HPRT1: variants seen among roughly 807,000 people sequenced by gnomAD.
The protein encoded by HPRT1 is hypoxanthine phosphoribosyltransferase 1, also known as hypoxanthine-guanine phosphoribosyltransferase.
A neutral mutation model predicts 19.0 loss-of-function variants in HPRT1; 4 were observed. That is an observed-to-expected ratio of 0.21 (90% CI 0.10 to 0.48). The LOEUF is 0.48. Among genes scored for constraint, HPRT1 ranks in the 20% least tolerant of loss-of-function variants. The pLI, the probability that HPRT1 is intolerant of heterozygous loss-of-function variation, is 0.98. For synonymous variants in HPRT1, 53 were observed against 54.9 expected (o/e 0.97, Z 0.15); for missense variants, 65 against 164.0 (o/e 0.40, Z 3.30).
intron 1 of HPRT1, among the ~76,000 whole-genome samples, chrX:134,463,928 A>G (rs1376600597): frequency 8.9e-6 from 1 of 112,081 alleles, no homozygotes; most frequent in African/African-American, 3.2e-5. Context: ...TACTAAGATA[A>G]TCTACTAGTT....
chrX:134,487,658 G>A (rs188263350), intron 4 of HPRT1, among the ~76,000 whole-genome samples: 85 of 112,042 alleles, frequency 7.6e-4, no homozygotes, highest in African/African-American at 2.6e-3. Context: ...ACTTGAATGA[G>A]TATCTATAAG....
chrX:134,477,592 C>CTTGAGGCCAGGGGT lies in HPRT1; in HGVS notation c.318+2230_318+2243dup, dbSNP rs1473955912. Among the ~76,000 whole-genome samples the CTTGAGGCCAGGGGT allele has an allele frequency of 4.5e-5, 5 of 111,188 alleles. No individual in the cohort carries two copies. In the East Asian group the frequency reaches 1.4e-3, roughly 32 times the overall value. ...TTGGAAGGCCAAGACAGCAGAATCACTTGAGGCCAGGGGTTCGAGACCAGC... is the reference window on the plus strand; with the variant it reads ...TTGGAAGGCCAAGACAGCAGAATCACTTGAGGCCAGGGGTTTGAGGCCAGGGGTTCGAGACCAGC... On this transcript the variant is annotated intron_variant, in intron 3 of 8. Coordinates refer to ENST00000298556, the MANE Select transcript of HPRT1 (RefSeq NM_000194.3).
intron 5 of HPRT1, among the ~76,000 whole-genome samples, chrX:134,491,663 C>T (rs749456496): frequency 7.3e-5 from 8 of 110,241 alleles, no homozygotes; most frequent in South Asian, 3.9e-4. Context: ...CCAGCTCAAA[C>T]GTCACCTCCA....
At chrX:134,483,949 C>A (rs366687) in intron 3 of HPRT1, among the ~76,000 whole-genome samples, 46 of 111,791 alleles carry the variant, frequency 4.1e-4, no homozygotes, top group Admixed American at 1.1e-3. Context: ...GCAGGAGGAT[C>A]GCTTGAGTCC....
intron 2 of HPRT1, among the ~76,000 whole-genome samples, 193 bp downstream of exon 2, chrX:134,473,658 G>C (rs2077616293): frequency 8.9e-6 from 1 of 111,893 alleles, no homozygotes; most frequent in Non-Finnish European, 1.9e-5. Context: ...TTGTGGTATA[G>C]TGGGACTCTG....
chrX:134,489,265 GTAATAA>G (rs2077660883), intron 4 of HPRT1, among the ~76,000 whole-genome samples: 1 of 111,340 alleles, frequency 9.0e-6, no homozygotes, highest in Non-Finnish European at 1.9e-5. Flanking sequence ...ATGATTTATG[GTAATAA>G]TAATATATAT....
At chrX:134,499,658 A>T (rs2077690269) in intron 8 of HPRT1, among the ~76,000 whole-genome samples, 2 of 109,189 alleles carry the variant, frequency 1.8e-5, no homozygotes, top group South Asian at 8.0e-4. Flanking sequence ...AGAAAAAATT[A>T]GCTGGGGTGG....
chrX:134,465,538 A>G (rs188269220), intron 1 of HPRT1, among the ~76,000 whole-genome samples: 55 of 112,540 alleles, frequency 4.9e-4, no homozygotes, highest in Non-Finnish European at 9.2e-4. Context: ...GTAATCGATT[A>G]TAGCAAAAGT....
intron 1 of HPRT1, chrX:134,460,630 G>A (rs1182941443): frequency 8.4e-5 from 15 of 178,022 alleles, no homozygotes; most frequent in African/African-American, 2.8e-4. Flanking sequence ...CCGCCTGCGA[G>A]CGTGCTGCGG....
intron 1 of HPRT1, among the ~76,000 whole-genome samples, chrX:134,470,194 A>G (rs2077607076): frequency 8.9e-6 from 1 of 112,184 alleles, no homozygotes; most frequent in Admixed American, 9.5e-5. Context: ...CCACCTGGCC[A>G]TGACCAGGGG....
chrX:134,497,697 A>G (rs1261126331), intron 6 of HPRT1, among the ~76,000 whole-genome samples: 4 of 111,359 alleles, frequency 3.6e-5, no homozygotes, highest in African/African-American at 1.3e-4. Context: ...CTGTAATTTC[A>G]GCACTTTGGG....
chrX:134,486,551 GA>G (rs753522885), intron 4 of HPRT1, 21 bp downstream of exon 4: 22 of 989,638 alleles, frequency 2.2e-5, no homozygotes, highest in Admixed American at 6.8e-5. Context: ...TGAAAGGGAA[GA>G]AAAAAAAGCA....
intron 6 of HPRT1, 63 bp from the exon 7 acceptor site, chrX:134,498,327 C>A: frequency 1.1e-6 from 1 of 905,943 alleles, no homozygotes; most frequent in Non-Finnish European, 1.6e-6. Flanking sequence ...AAACGTCAGT[C>A]TTCTCTTTTG....
At position 134,496,743 on chromosome X, in the gene HPRT1, T is replaced by TA. The variant is rs377295385; in HGVS notation, c.486-1641dup. ...CTGCACATTGGAATCACCTGAGAGT[T>TA]AAAAAACCAGGATAACCTCTGCCTG... On this transcript the variant is annotated intron_variant, in intron 6 of 8. Transcript: ENST00000298556. Among the ~76,000 whole-genome samples, 649 of 111,812 alleles carry TA rather than the reference T, an allele frequency of 5.8e-3. 7 individuals carry two copies. The highest frequency in any genetic ancestry group is 0.019 in the African/African-American group (579 of 30,721).
intron 5 of HPRT1, chrX:134,492,485 A>G (rs1569358730): frequency 3.0e-6 from 1 of 330,472 alleles, no homozygotes; most frequent in Non-Finnish European, 5.9e-6. Context: ...CAAGGGACTC[A>G]TGATCCTCTT....
intron 1 of HPRT1, among the ~76,000 whole-genome samples, chrX:134,466,419 A>G (rs1430851580): frequency 9.5e-6 from 1 of 105,789 alleles, no homozygotes; most frequent in Non-Finnish European, 1.9e-5. Context: ...CTCTGTCTCA[A>G]AAAAGAAAAA....
In HPRT1 at chrX:134,492,048, CAT is replaced by C. The variant is rs1391961210; in HGVS notation, c.403-1446_403-1445del. 1.7e-4 allele frequency among the ~76,000 whole-genome samples: 16 copies of C among 92,828 alleles called. 1 individual carries two copies. The highest frequency in any genetic ancestry group is 6.3e-4 in the East Asian group (2 of 3,169). 80.6% of individuals were successfully genotyped at this position (92,828 alleles called of 115,157 possible). A position where few individuals can be genotyped will look rare whatever the true frequency, so the allele number is the denominator to read the frequency against. ...ATATATATATATACACACACACACA[CAT>C]ATATATATATATAGTTTTTTTTTTT... On this transcript the variant is annotated intron_variant, in intron 5 of 8. Transcript: ENST00000298556.
In HPRT1 at chrX:134,465,271, G is replaced by A. The variant is rs891860495; in HGVS notation, c.27+4933G>A. 5.5e-5 allele frequency among the ~76,000 whole-genome samples: 6 copies of A among 108,861 alleles called. No individual in the cohort carries two copies. In the East Asian group the frequency reaches 1.4e-3, roughly 26 times the overall value. The allele number at this position is 108,861 out of a possible 115,157, so 94.5% of individuals were successfully genotyped here. A position where few individuals can be genotyped will look rare whatever the true frequency, so the allele number is the denominator to read the frequency against. ...TTAAGCAGTCCTTGTCACAGATGAT[G>A]AATTGATGTTGCAAGTATTGTCTTA... On this transcript the variant is annotated intron_variant, in intron 1 of 8. Coordinates refer to ENST00000298556, the MANE Select transcript of HPRT1 (RefSeq NM_000194.3).
At chrX:134,498,343 C>T (rs776417613) in intron 6 of HPRT1, 47 bp from the exon 7 acceptor site, 2 of 985,426 alleles carry the variant, frequency 2.0e-6, no homozygotes, top group South Asian at 1.9e-5. Flanking sequence ...TTTTGTAATG[C>T]CCTGTAGTCT....
Sources: gnomAD v4.1 joint callset for allele counts (sites outside exome capture counted in the v4.1 genomes callset) on GRCh38, gnomAD v4.1.1 for gene constraint, MANE v1.5 for transcripts, NCBI Gene and HGNC (gene_info 2026-07-23, HGNC 2026-07-21) for gene names.